Variants in OPN5 observed in about 807,000 individuals in gnomAD.
The protein encoded by OPN5 is opsin 5, also known as opsin-5.
Under a neutral mutation model 41.7 loss-of-function variants are expected in OPN5, and 18 were observed. That is an observed-to-expected ratio of 0.43 (90% CI 0.30 to 0.64). The LOEUF (loss-of-function observed/expected upper bound fraction) is 0.64. Ranked by LOEUF, OPN5 falls within the 30% of genes least tolerant of loss-of-function variation. OPN5 has a pLI of 0.13. For synonymous variants in OPN5, 178 were observed against 164.3 expected (o/e 1.08, Z -0.64); for missense variants, 318 against 434.5 (o/e 0.73, Z 2.38).
At chr6:47,822,027 G>A (rs1160438174) in intron 6 of OPN5, among the ~76,000 whole-genome samples, 3 of 151,274 alleles carry the variant, frequency 2.0e-5, no homozygotes, top group African/African-American at 4.9e-5. Flanking sequence ...CAGGAGAATC[G>A]CTTGAACCCA....
intron 3 of OPN5, chr6:47,794,924 A>T: frequency 3.6e-6 from 1 of 279,294 alleles, no homozygotes; most frequent in Non-Finnish European, 6.8e-6. Context: ...TGTTTTCTCA[A>T]GGGCCTCCAT....
chr6:47,795,314 A>G, exon 4 of OPN5: 1 of 1,613,996 alleles, frequency 6.2e-7, no homozygotes, highest in Non-Finnish European at 8.5e-7. Flanking sequence ...TGCCCTTGGT[A>G]GGTCTGGGGG....
At chr6:47,795,786 A>T (rs866502475) in intron 4 of OPN5, among the ~76,000 whole-genome samples, 2,506 of 143,946 alleles carry the variant, frequency 0.017, 29 homozygotes, top group Admixed American at 0.029. Context: ...TCTCACACAC[A>T]CACACACACA....
chr6:47,813,635 A>C (rs1762334637), intron 6 of OPN5, among the ~76,000 whole-genome samples: 4 of 152,138 alleles, frequency 2.6e-5, no homozygotes, highest in Admixed American at 2.6e-4. Context: ...GCAGTGTGGA[A>C]GGTGGATTGT....
chr6:47,821,878 G>A (rs1762633924), intron 6 of OPN5, among the ~76,000 whole-genome samples: 1 of 152,128 alleles, frequency 6.6e-6, no homozygotes, highest in Admixed American at 6.5e-5. Flanking sequence ...ACTTTGGGAG[G>A]CCAAGGTGGG....
chr6:47,811,496 C>T (rs1367570998), intron 5 of OPN5, among the ~76,000 whole-genome samples, 178 bp from the exon 6 acceptor site: 1 of 151,988 alleles, frequency 6.6e-6, no homozygotes, highest in African/African-American at 2.4e-5. Context: ...CCAAATAATT[C>T]CTTGACTTTG....
chr6:47,786,742 T>A (rs1581725711), intron 2 of OPN5, 108 bp downstream of exon 2: 2 of 922,204 alleles, frequency 2.2e-6, no homozygotes, highest in East Asian at 5.0e-5. Flanking sequence ...TCACATCTCC[T>A]TCCACTCTTC....
At chr6:47,788,283 C>T (rs1773256130) in intron 2 of OPN5, among the ~76,000 whole-genome samples, 2 of 152,246 alleles carry the variant, frequency 1.3e-5, no homozygotes, top group South Asian at 2.1e-4. Flanking sequence ...TCGCGGGCCC[C>T]TAAGGTGCTC....
intron 4 of OPN5, among the ~76,000 whole-genome samples, chr6:47,796,346 C>A (rs929414970): frequency 1.3e-5 from 2 of 152,072 alleles, no homozygotes; most frequent in Non-Finnish European, 2.9e-5. Context: ...TTAGAGCAAC[C>A]ATGGTTTCTC....
Position 47,812,036 on chromosome 6 carries a change from G to A in OPN5, c.1056+305G>A, listed in dbSNP as rs541771961. Among the ~76,000 whole-genome samples, 4 of 152,246 alleles carry A rather than the reference G, an allele frequency of 2.6e-5. No homozygotes were observed. In the East Asian group the frequency reaches 7.7e-4, roughly 29 times the overall value. ...GAGATAGTGAGAAAAATGTTGAGAA[G>A]TTTTATATTAGGGGGTTATTTAATT... On this transcript the variant is annotated intron_variant, in intron 6 of 6. Coordinates refer to ENST00000371211, the Ensembl canonical transcript of OPN5.
intron 4 of OPN5, among the ~76,000 whole-genome samples, chr6:47,804,463 A>C (rs1773888565): frequency 6.6e-6 from 1 of 152,230 alleles, no homozygotes; most frequent in Non-Finnish European, 1.5e-5. Context: ...TGAAAAGATT[A>C]AATATATTCC....
At chr6:47,784,578 G>A (rs1300461663) in intron 1 of OPN5, among the ~76,000 whole-genome samples, 3 of 152,064 alleles carry the variant, frequency 2.0e-5, no homozygotes, top group Non-Finnish European at 2.9e-5. Context: ...GATTACAGGC[G>A]TGAGCCACCG....
intron 1 of OPN5, among the ~76,000 whole-genome samples, chr6:47,782,802 G>A (rs1005088439): frequency 5.3e-5 from 8 of 152,164 alleles, no homozygotes; most frequent in Non-Finnish European, 7.3e-5. Context: ...CATAATTGAC[G>A]AAAGGGTGCA....
chr6:47,807,658 C>CA (rs1561900568), intron 4 of OPN5, among the ~76,000 whole-genome samples: 1 of 151,990 alleles, frequency 6.6e-6, no homozygotes, highest in Non-Finnish European at 1.5e-5. Context: ...TCACACCTGA[C>CA]AAAAATTTGA....
At chr6:47,822,410 A>G (rs1762655051) in intron 6 of OPN5, among the ~76,000 whole-genome samples, 1 of 152,236 alleles carries the variant, frequency 6.6e-6, no homozygotes, top group Non-Finnish European at 1.5e-5. Flanking sequence ...GGCTATTGAC[A>G]TGAGATAGAG....
At chr6:47,783,339 C>T (rs1773126431) in intron 1 of OPN5, among the ~76,000 whole-genome samples, 1 of 151,702 alleles carries the variant, frequency 6.6e-6, no homozygotes. Context: ...GTCAAACTTG[C>T]TCTCTCTCTC....
intron 4 of OPN5, among the ~76,000 whole-genome samples, chr6:47,806,451 A>G (rs1773967393): frequency 6.6e-6 from 1 of 152,176 alleles, no homozygotes; most frequent in South Asian, 2.1e-4. Context: ...GAAATTGTAC[A>G]TGGGCAGGGA....
intron 6 of OPN5, among the ~76,000 whole-genome samples, chr6:47,815,713 G>A (rs1396353282): frequency 3.3e-5 from 5 of 152,022 alleles, no homozygotes; most frequent in Non-Finnish European, 7.4e-5. Flanking sequence ...ACACATTTAA[G>A]GGCATGCCCT....
chr6:47,817,348 G>A (rs911894349), intron 6 of OPN5, among the ~76,000 whole-genome samples: 3 of 152,048 alleles, frequency 2.0e-5, no homozygotes, highest in African/African-American at 7.2e-5. Flanking sequence ...TCTCATTGAG[G>A]TTCATGCCAG....
Sources: gnomAD v4.1 joint callset for allele counts (sites outside exome capture counted in the v4.1 genomes callset) on GRCh38, gnomAD v4.1.1 for gene constraint, MANE v1.5 for transcripts, NCBI Gene and HGNC (gene_info 2026-07-23, HGNC 2026-07-21) for gene names.